The following ADAMTSL1 variants were observed in gnomAD, a reference collection of about 807,000 sequenced individuals.
The protein encoded by ADAMTSL1 is ADAMTS like 1.
In ADAMTSL1, 126 loss-of-function variants were observed where a neutral mutation model predicts 201.8. That is an observed-to-expected ratio of 0.62 (90% CI 0.54 to 0.72). The LOEUF is 0.72. ADAMTSL1 is among the 30% of genes least tolerant of loss of function. ADAMTSL1 has a pLI of 0.00. For missense variants in ADAMTSL1, 2,679 were observed against 2,277.8 expected (o/e 1.18, Z -3.59); for synonymous variants, 1,121 against 903.4 (o/e 1.24, Z -4.32).
chr9:18,702,560 C>A (rs900878636), intron 13 of ADAMTSL1, among the ~76,000 whole-genome samples: 11 of 151,966 alleles, frequency 7.2e-5, no homozygotes, highest in Admixed American at 3.9e-4. Flanking sequence ...ATGAAAGGAA[C>A]AATTAAGCTT....
At chr9:18,281,876 T>C (rs1476198326) in intron 2 of ADAMTSL1, among the ~76,000 whole-genome samples, 2 of 152,264 alleles carry the variant, frequency 1.3e-5, no homozygotes, top group East Asian at 3.8e-4. Context: ...GGCCCCATTC[T>C]ACAAATTTTG....
chr9:18,198,146 A>G (rs1467699004), intron 2 of ADAMTSL1, among the ~76,000 whole-genome samples: 18 of 152,172 alleles, frequency 1.2e-4, no homozygotes. Context: ...ACCTAAAACC[A>G]TAAAAACCCT....
chr9:18,529,078 T>C (rs1819277904), intron 2 of ADAMTSL1, among the ~76,000 whole-genome samples: 1 of 152,224 alleles, frequency 6.6e-6, no homozygotes, highest in Non-Finnish European at 1.5e-5. Flanking sequence ...TGGCAGGAAT[T>C]AAATCCTTGT....
intron 5 of ADAMTSL1, among the ~76,000 whole-genome samples, chr9:18,632,912 AC>A (rs902353998): frequency 1.3e-5 from 2 of 151,728 alleles, no homozygotes; most frequent in African/African-American, 4.8e-5. Flanking sequence ...TTCTCCATAT[AC>A]CCTCTTCCTC....
chr9:18,176,902 T>C (rs1828190133), intron 2 of ADAMTSL1, among the ~76,000 whole-genome samples: 2 of 152,316 alleles, frequency 1.3e-5, no homozygotes, highest in Non-Finnish European at 2.9e-5. Context: ...GAAACAGCGC[T>C]TGATTTTATT....
At chr9:18,242,844 GAA>G (rs1831121424) in intron 2 of ADAMTSL1, among the ~76,000 whole-genome samples, 1 of 151,996 alleles carries the variant, frequency 6.6e-6, no homozygotes. Context: ...AGCAATTAAA[GAA>G]AATATAAATT....
chr9:18,000,193 A>G (rs1245243010), intron 1 of ADAMTSL1, among the ~76,000 whole-genome samples: 2 of 151,056 alleles, frequency 1.3e-5, no homozygotes, highest in Admixed American at 1.3e-4. Context: ...GACTTCCACA[A>G]TGGTTGAACT....
chr9:18,618,834 C>A (rs1272357934), intron 4 of ADAMTSL1, among the ~76,000 whole-genome samples: 3 of 152,148 alleles, frequency 2.0e-5, no homozygotes, highest in African/African-American at 7.2e-5. Flanking sequence ...ATGATTTTTT[C>A]TCATGACCAA....
chr9:18,349,227 A>G (rs1835854993), intron 2 of ADAMTSL1, among the ~76,000 whole-genome samples: 1 of 152,198 alleles, frequency 6.6e-6, no homozygotes, highest in Non-Finnish European at 1.5e-5. Context: ...GTGGATTGTT[A>G]TCGCTCTCAT....
rs1048615455 is a variant in ADAMTSL1 at position 18,680,509 on chromosome 9, G to A, written c.1334G>A (p.Trp445Ter). 2 of 1,614,044 alleles carry A rather than the reference G, an allele frequency of 1.2e-6. No individual in the cohort carries two copies. Among genetic ancestry groups the A allele is most frequent in the Admixed American group, 1.7e-5 (1 of 60,018 alleles). Residue 445 changes from tryptophan (W) to a stop codon, truncating the protein, a stop_gained, in exon 11 of 29, where the codon TGG becomes TAG. Transcript: ENST00000380548. LOFTEE classifies it high-confidence loss of function. ...TGCCCTAAATGGCTGGCACAGGAGT[G>A]GTCTCCGGTAACTGTGCCTTCTTTC... ...FDCPKWLAQEWSPCTVTCGQG... is the reference protein window; with the variant it reads ...FDCPKWLAQE
In ADAMTSL1 at chr9:18,590,975, T is replaced by G. The variant is rs191271937; in HGVS notation, c.474+16709T>G. Among the ~76,000 whole-genome samples the G allele has an allele frequency of 2.1e-3, 327 of 152,274 alleles. 1 individual carries two copies. Among genetic ancestry groups the G allele is most frequent in the African/African-American group, 7.6e-3 (316 of 41,574 alleles). ...ATGGCTTATTCTGGAAAATGTTCCA[T>G]GTGTTGATAGGAAAAGTATGTATTC... On this transcript the variant is annotated intron_variant, in intron 4 of 28. Transcript: ENST00000380548.
chr9:18,733,917 T>C (rs1199008194), intron 15 of ADAMTSL1, among the ~76,000 whole-genome samples: 1 of 145,512 alleles, frequency 6.9e-6, no homozygotes, highest in African/African-American at 2.5e-5. Context: ...CCCCCATTCA[T>C]TCAACTCAAC....
chr9:17,933,857 A>G (rs1432066200), intron 1 of ADAMTSL1, among the ~76,000 whole-genome samples: 1 of 152,168 alleles, frequency 6.6e-6, no homozygotes, highest in Non-Finnish European at 1.5e-5. Flanking sequence ...GGGGATTACA[A>G]TTTGACCAGA....
At position 18,908,589 on chromosome 9, in the gene ADAMTSL1, G is replaced by T; in HGVS notation, c.*41G>T. ...AAAAACTCTACCCTGGCCACACGAAGGACTCACGCAACCACCTCGGACAGA... is the reference window on the plus strand; with the variant it reads ...AAAAACTCTACCCTGGCCACACGAATGACTCACGCAACCACCTCGGACAGA... On this transcript the variant is annotated 3_prime_UTR_variant, in exon 29 of 29. Transcript: ENST00000380548. The T allele has an allele frequency of 6.7e-7, 1 of 1,481,704 alleles. No individual in the cohort carries two copies. The highest frequency in any genetic ancestry group is 9.2e-7 in the Non-Finnish European group (1 of 1,087,300). The allele number at this position is 1,481,704 out of a possible 1,614,324, so 91.8% of individuals were successfully genotyped here.
At position 18,481,004 on chromosome 9, in the gene ADAMTSL1, G is replaced by A. The variant is rs558041991; in HGVS notation, c.63+6709G>A. ...AACATAGAAGCACACAGATCCAAGG[G>A]GAAGGCGAATATAACAGAAAAAGAT... On this transcript the variant is annotated intron_variant, in intron 1 of 28. Transcript: ENST00000380548. Among the ~76,000 whole-genome samples the A allele has an allele frequency of 6.1e-4, 93 of 152,170 alleles. 1 individual carries two copies. The Middle Eastern group carries it at 0.014, about 22-fold the overall frequency.
chr9:18,357,870 C>T (rs1836323599), intron 2 of ADAMTSL1, among the ~76,000 whole-genome samples: 1 of 152,134 alleles, frequency 6.6e-6, no homozygotes, highest in South Asian at 2.1e-4. Flanking sequence ...AGACCTGAAA[C>T]ATTCTCTACC....
chr9:18,112,069 T>C (rs149912478), intron 1 of ADAMTSL1, among the ~76,000 whole-genome samples: 13 of 152,278 alleles, frequency 8.5e-5, no homozygotes, highest in African/African-American at 2.9e-4. Context: ...ACCACACTTA[T>C]GTAGTAGAGG....
intron 1 of ADAMTSL1, among the ~76,000 whole-genome samples, chr9:17,934,736 CA>C (rs1826933661): frequency 6.6e-6 from 1 of 152,020 alleles, no homozygotes; most frequent in Admixed American, 6.6e-5. Flanking sequence ...CACCTACCTG[CA>C]TGTAGTTCAT....
chr9:18,570,900 G>GT (rs1397407669), intron 3 of ADAMTSL1, among the ~76,000 whole-genome samples: 2 of 152,172 alleles, frequency 1.3e-5, no homozygotes, highest in Non-Finnish European at 2.9e-5. Flanking sequence ...CATAAAACTT[G>GT]TAACAGGTGT....
Sources: gnomAD v4.1 joint callset for allele counts (sites outside exome capture counted in the v4.1 genomes callset) on GRCh38, gnomAD v4.1.1 for gene constraint, MANE v1.5 for transcripts, NCBI Gene and HGNC (gene_info 2026-07-23, HGNC 2026-07-21) for gene names.